Variants in NARS2 observed in about 807,000 individuals in gnomAD.
NARS2 encodes asparaginyl-tRNA synthetase.
A neutral mutation model predicts 62.9 loss-of-function variants in NARS2; 60 were observed. That is an observed-to-expected ratio of 0.95 (90% CI 0.77 to 1.18). The LOEUF (loss-of-function observed/expected upper bound fraction) is 1.18. NARS2 is among the 50% of genes most tolerant of loss of function. The pLI is 0.00. For synonymous variants in NARS2, 196 were observed against 200.0 expected, an observed-to-expected ratio of 0.98 and a Z score of 0.17; for missense variants, 619 against 576.4, an observed-to-expected ratio of 1.07 and a Z score of -0.76.
intron 10 of NARS2, among the ~76,000 whole-genome samples, chr11:78,468,217 A>G (rs1858705454): frequency 6.7e-6 from 1 of 149,878 alleles, no homozygotes; most frequent in South Asian, 2.1e-4. Flanking sequence ...AAACAAACAA[A>G]AAAACCCCAG....
chr11:78,511,799 A>G (rs1356857351), intron 6 of NARS2, among the ~76,000 whole-genome samples: 2 of 152,210 alleles, frequency 1.3e-5, no homozygotes, highest in Non-Finnish European at 2.9e-5. Context: ...GTTCATTTTT[A>G]TTATAAAGTA....
At chr11:78,537,242 A>G (rs1356155792) in intron 5 of NARS2, among the ~76,000 whole-genome samples, 1 of 152,186 alleles carries the variant, frequency 6.6e-6, no homozygotes, top group African/African-American at 2.4e-5. Flanking sequence ...GTCACGATAC[A>G]AAAAAATGTG....
At chr11:78,472,324 C>T (rs10899520) in intron 9 of NARS2, among the ~76,000 whole-genome samples, 36,058 of 152,082 alleles carry the variant, frequency 0.24, 4,625 homozygotes, top group East Asian at 0.42. Flanking sequence ...CATCAAACTA[C>T]CTTCATATTC....
At chr11:78,495,032 C>G (rs1394311962) in intron 6 of NARS2, among the ~76,000 whole-genome samples, 1 of 152,124 alleles carries the variant, frequency 6.6e-6, no homozygotes, top group Non-Finnish European at 1.5e-5. Flanking sequence ...CAGTGTAAAC[C>G]TTTGTCTACT....
At position 78,505,319 on chromosome 11, in the gene NARS2, CACACAT is replaced by C. The variant is rs1488337139; in HGVS notation, c.690-12130_690-12125del. 5.0e-3 allele frequency among the ~76,000 whole-genome samples: 501 copies of C among 99,292 alleles called. 7 individuals are homozygous for C. The highest frequency in any genetic ancestry group is 0.015 in the African/African-American group (394 of 26,892). The allele number at this position is 99,292 out of a possible 152,430, so 65.1% of individuals were successfully genotyped here. ...ACACACACACACACACACACACACA[CACACAT>C]ACGTATGTATATATCTTATGTTAAA... On this transcript the variant is annotated intron_variant, in intron 6 of 13. Coordinates refer to ENST00000281038, the MANE Select transcript of NARS2 (RefSeq NM_024678.6).
intron 1 of NARS2, among the ~76,000 whole-genome samples, chr11:78,573,816 G>A (rs944113352): frequency 2.0e-5 from 3 of 152,164 alleles, no homozygotes; most frequent in Non-Finnish European, 4.4e-5. Context: ...TTAAACCTAA[G>A]CAGCTTAACT....
At chr11:78,536,160 A>G (rs898407843) in intron 5 of NARS2, among the ~76,000 whole-genome samples, 2 of 152,188 alleles carry the variant, frequency 1.3e-5, no homozygotes, top group African/African-American at 4.8e-5. Context: ...GCATGGCATT[A>G]CTCACGTATT....
rs1182557284 is a variant in NARS2 at position 78,443,645 on chromosome 11, T to C, written c.1262+16A>G. Reference sequence around the variant, plus strand: ...CTCAATTTCTCAATTGTGTTTCTTTTAGGTCTGACCAGTACCTGGCTAAGC... The same window carrying C: ...CTCAATTTCTCAATTGTGTTTCTTTCAGGTCTGACCAGTACCTGGCTAAGC... On this transcript the variant is annotated intron_variant, in intron 12 of 13. Coordinates refer to ENST00000281038, the MANE Select transcript of NARS2 (RefSeq NM_024678.6). 14 of 1,581,020 alleles carry C rather than the reference T, an allele frequency of 8.9e-6. No individual in the cohort carries two copies. In the South Asian group the frequency reaches 1.6e-4, roughly 18 times the overall value.
intron 5 of NARS2, among the ~76,000 whole-genome samples, chr11:78,544,479 T>C (rs1469990983): frequency 2.0e-5 from 3 of 152,146 alleles, no homozygotes; most frequent in Non-Finnish European, 4.4e-5. Context: ...AGCTAATACT[T>C]TCATGCGGAA....
intron 5 of NARS2, among the ~76,000 whole-genome samples, chr11:78,541,996 A>C (rs1425839467): frequency 1.3e-5 from 2 of 152,190 alleles, no homozygotes; most frequent in Non-Finnish European, 2.9e-5. Flanking sequence ...CTAATCTAAA[A>C]ATTTCCAATA....
At position 78,505,317 on chromosome 11, in the gene NARS2, CACACACAT is replaced by C. The variant is rs1285817935; in HGVS notation, c.690-12130_690-12123del. ...ACACACACACACACACACACACACA[CACACACAT>C]ACGTATGTATATATCTTATGTTAAA... On this transcript the variant is annotated intron_variant, in intron 6 of 13. Coordinates refer to ENST00000281038, the MANE Select transcript of NARS2 (RefSeq NM_024678.6). Among the ~76,000 whole-genome samples the C allele has an allele frequency of 4.8e-3, 481 of 100,550 alleles. 4 individuals carry two copies. The highest frequency in any genetic ancestry group is 0.015 in the African/African-American group (408 of 28,086). The allele number at this position is 100,550 out of a possible 152,430, so 66.0% of individuals were successfully genotyped here. A position where few individuals can be genotyped will look rare whatever the true frequency, so the allele number is the denominator to read the frequency against.
intron 6 of NARS2, among the ~76,000 whole-genome samples, chr11:78,521,561 C>A (rs1463765545): frequency 1.3e-5 from 2 of 151,972 alleles, no homozygotes; most frequent in Non-Finnish European, 1.5e-5. Flanking sequence ...GAGGCCGAGG[C>A]GAGCGGATCA....
At chr11:78,541,246 T>C (rs1261868535) in intron 5 of NARS2, among the ~76,000 whole-genome samples, 1 of 152,190 alleles carries the variant, frequency 6.6e-6, no homozygotes, top group African/African-American at 2.4e-5. Flanking sequence ...GAATAAATGT[T>C]ATATACAACT....
At chr11:78,565,214 CT>C (rs1384231715) in intron 4 of NARS2, among the ~76,000 whole-genome samples, 1 of 152,088 alleles carries the variant, frequency 6.6e-6, no homozygotes, top group Admixed American at 6.5e-5. Flanking sequence ...ACAAAATGTC[CT>C]TAGTCATTAG....
intron 11 of NARS2, among the ~76,000 whole-genome samples, chr11:78,451,942 C>G (rs1857985046): frequency 6.6e-6 from 1 of 152,170 alleles, no homozygotes; most frequent in Non-Finnish European, 1.5e-5. Flanking sequence ...AATAGCCGGA[C>G]TCTAGAGCAC....
intron 6 of NARS2, among the ~76,000 whole-genome samples, chr11:78,522,738 T>C (rs933826928): frequency 3.9e-5 from 6 of 152,224 alleles, no homozygotes; most frequent in African/African-American, 1.4e-4. Flanking sequence ...AACAAAATTA[T>C]AAGGGGACAA....
intron 5 of NARS2, among the ~76,000 whole-genome samples, chr11:78,554,463 G>T (rs1413308628): frequency 6.7e-6 from 1 of 150,320 alleles, no homozygotes; most frequent in Non-Finnish European, 1.5e-5. Flanking sequence ...TTCTCATGTA[G>T]AGCTCTTTCA....
intron 6 of NARS2, among the ~76,000 whole-genome samples, chr11:78,513,079 G>T (rs1021781614): frequency 2.6e-5 from 4 of 152,016 alleles, no homozygotes; most frequent in African/African-American, 9.7e-5. Flanking sequence ...GTGAAACACT[G>T]CCTCTGCCAA....
At chr11:78,554,972 T>A (rs1453269726) in intron 5 of NARS2, among the ~76,000 whole-genome samples, 1 of 152,224 alleles carries the variant, frequency 6.6e-6, no homozygotes, top group East Asian at 1.9e-4. Context: ...GTTTTTAACA[T>A]GAGATGTTGA....
Sources: gnomAD v4.1 joint callset for allele counts (sites outside exome capture counted in the v4.1 genomes callset) on GRCh38, gnomAD v4.1.1 for gene constraint, MANE v1.5 for transcripts, NCBI Gene and HGNC (gene_info 2026-07-23, HGNC 2026-07-21) for gene names.